The following OPCML variants were observed in gnomAD, a reference collection of about 807,000 sequenced individuals.
OPCML encodes opioid-binding protein/cell adhesion molecule.
OPCML carries 13 observed loss-of-function variants against 37.8 expected under a neutral mutation model. The ratio of observed to expected loss-of-function variants is 0.34; its 90% CI spans 0.22 to 0.55. The LOEUF (loss-of-function observed/expected upper bound fraction) is 0.55, where lower values mean the gene tolerates loss of function less well. Among genes scored for constraint, OPCML ranks in the 20% least tolerant of loss-of-function variants. The probability of loss-of-function intolerance (pLI) is 0.91; values close to 1 mark genes in which losing one functional copy is unlikely to be tolerated. For synonymous variants in OPCML, 176 were observed against 168.8 expected, an observed-to-expected ratio of 1.04 and a Z score of -0.33; for missense variants, 341 against 435.6, an observed-to-expected ratio of 0.78 and a Z score of 1.93.
rs183726131 is a variant in OPCML at position 132,457,688 on chromosome 11, T to C, written c.506-20329A>G. On this transcript the variant is annotated intron_variant, in intron 4 of 7. Coordinates refer to ENST00000524381, the MANE Select transcript of OPCML (RefSeq NM_001012393.5). ...CTTGCCCTGAACCTTTGTTTCCCTT[T>C]CTCTGGTGCTGTCCATGGCCTGCCA... 6.9e-4 allele frequency among the ~76,000 whole-genome samples: 105 copies of C among 152,268 alleles called. No individual in the cohort carries two copies. In the Middle Eastern group the frequency reaches 0.01, roughly 15 times the overall value.
At chr11:132,984,889 G>A (rs1372249004) in intron 1 of OPCML, among the ~76,000 whole-genome samples, 1 of 152,110 alleles carries the variant, frequency 6.6e-6, no homozygotes, top group African/African-American at 2.4e-5. Flanking sequence ...AGTTACGCGT[G>A]GTGTATCCAT....
intron 1 of OPCML, among the ~76,000 whole-genome samples, chr11:132,945,630 C>T (rs1175290515): frequency 6.6e-6 from 1 of 152,204 alleles, no homozygotes; most frequent in Non-Finnish European, 1.5e-5. Context: ...TCAATAATAA[C>T]TTTAGCCTAC....
intron 1 of OPCML, among the ~76,000 whole-genome samples, chr11:132,955,153 G>A (rs1394764251): frequency 1.3e-5 from 2 of 152,166 alleles, no homozygotes; most frequent in African/African-American, 2.4e-5. Context: ...ATGCTGGACG[G>A]AGATGGGGAT....
intron 1 of OPCML, chr11:133,006,592 C>A (rs1167673296): frequency 3.0e-6 from 3 of 985,436 alleles, no homozygotes; most frequent in Middle Eastern, 5.2e-4. Context: ...AGTTGAAAGT[C>A]GCTGGCCGAA....
At chr11:132,765,490 G>A (rs926999845) in intron 2 of OPCML, among the ~76,000 whole-genome samples, 6 of 152,172 alleles carry the variant, frequency 3.9e-5, no homozygotes, top group African/African-American at 1.4e-4. Context: ...ACGGCTTCCT[G>A]TTATTTCCAT....
intron 2 of OPCML, among the ~76,000 whole-genome samples, chr11:132,714,619 T>C (rs1342956189): frequency 2.0e-5 from 3 of 152,126 alleles, no homozygotes; most frequent in South Asian, 4.1e-4. Context: ...AGAAAACCTA[T>C]AGTTGGTTAT....
intron 4 of OPCML, among the ~76,000 whole-genome samples, chr11:132,496,704 A>G (rs965649722): frequency 6.6e-6 from 1 of 152,282 alleles, no homozygotes. Context: ...GTACTTGCAT[A>G]TAGAACAAAG....
At chr11:133,340,544 C>T (rs1294861930) in intron 1 of OPCML, among the ~76,000 whole-genome samples, 1 of 151,598 alleles carries the variant, frequency 6.6e-6, no homozygotes, top group African/African-American at 2.4e-5. Flanking sequence ...TTTCCCTCTA[C>T]CTGTTCTTTA....
intron 1 of OPCML, chr11:133,420,777 T>G (rs1013277210): frequency 4.1e-6 from 4 of 985,390 alleles, no homozygotes; most frequent in Non-Finnish European, 4.8e-6. Flanking sequence ...AAGTTGAAAT[T>G]CAATTTTTCC....
chr11:133,026,542 C>T, intron 1 of OPCML: 1 of 985,414 alleles, frequency 1.0e-6, no homozygotes, highest in African/African-American at 1.7e-5. Context: ...CTAGAAATCT[C>T]TCCTTTCCAA....
At chr11:133,490,657 A>G (rs781682546) in intron 1 of OPCML, among the ~76,000 whole-genome samples, 47 of 152,198 alleles carry the variant, frequency 3.1e-4, no homozygotes, top group Admixed American at 5.2e-4. Context: ...TGGTCTTCCA[A>G]TGACTTTCCA....
intron 2 of OPCML, among the ~76,000 whole-genome samples, chr11:132,776,726 T>C (rs1946823013): frequency 6.6e-6 from 1 of 152,056 alleles, no homozygotes; most frequent in South Asian, 2.1e-4. Context: ...TGAAACCTCT[T>C]TTCTTTATAA....
chr11:133,061,968 C>T (rs1948350667), intron 1 of OPCML, among the ~76,000 whole-genome samples: 1 of 152,106 alleles, frequency 6.6e-6, no homozygotes, highest in Non-Finnish European at 1.5e-5. Context: ...TGGATGGGGG[C>T]ATAGGGTCTT....
chr11:133,350,313 AAC>A (rs1361834698), intron 1 of OPCML, among the ~76,000 whole-genome samples: 1 of 152,232 alleles, frequency 6.6e-6, no homozygotes, highest in East Asian at 1.9e-4. Flanking sequence ...AGTTTAGGGT[AAC>A]ACACAGTGGG....
At chr11:132,879,370 C>T (rs1411526217) in intron 2 of OPCML, among the ~76,000 whole-genome samples, 1 of 152,132 alleles carries the variant, frequency 6.6e-6, no homozygotes, top group Non-Finnish European at 1.5e-5. Flanking sequence ...TGACCTACCT[C>T]ACAGTTTTTC....
chr11:133,039,229 G>A (rs374380761), intron 1 of OPCML, among the ~76,000 whole-genome samples: 5 of 152,268 alleles, frequency 3.3e-5, no homozygotes, highest in African/African-American at 1.2e-4. Context: ...CCCTGAAAAG[G>A]TAAGGCAACA....
intron 1 of OPCML, among the ~76,000 whole-genome samples, chr11:133,203,060 C>T (rs1264387733): frequency 1.3e-5 from 2 of 152,170 alleles, no homozygotes; most frequent in African/African-American, 2.4e-5. Context: ...GTTATGTCAC[C>T]ATCACACAAA....
At chr11:132,836,806 G>A (rs1186134988) in intron 2 of OPCML, among the ~76,000 whole-genome samples, 5 of 152,280 alleles carry the variant, frequency 3.3e-5, no homozygotes, top group Admixed American at 1.3e-4. Context: ...TCTAGACCAC[G>A]GAAAAGAGCA....
chr11:133,173,917 G>A lies in OPCML; in HGVS notation c.62-230907C>T, dbSNP rs1345839973. Among the ~76,000 whole-genome samples the A allele has an allele frequency of 6.6e-6, 1 of 152,192 alleles. No individual in the cohort carries two copies. Among genetic ancestry groups the A allele is most frequent in the African/African-American group, 2.4e-5 (1 of 41,438 alleles). On this transcript the variant is annotated intron_variant, in intron 1 of 7. Coordinates refer to ENST00000524381, the MANE Select transcript of OPCML (RefSeq NM_001012393.5). The surrounding 1 kb of genome is among the most constrained non-coding windows in gnomAD (Gnocchi z 7.8). ...ATGAAGATTGGACCGGGGCCGGCCG[G>A]CACTGGAGCAGCCCTCTCCCTCCAT...
Sources: gnomAD v4.1 joint callset for allele counts (sites outside exome capture counted in the v4.1 genomes callset) on GRCh38, gnomAD v4.1.1 for gene constraint, Gnocchi (gnomAD v3.1) non-coding constraint, MANE v1.5 for transcripts, NCBI Gene and HGNC (gene_info 2026-07-23, HGNC 2026-07-21) for gene names.